The following DCAF1 variants were observed in gnomAD, a reference collection of about 807,000 sequenced individuals.
DCAF1 encodes DDB1- and CUL4-associated factor 1.
DCAF1 carries 15 observed loss-of-function variants against 128.0 expected under a neutral mutation model. The ratio of observed to expected loss-of-function variants is 0.12; its 90% CI spans 0.08 to 0.18. DCAF1 has a LOEUF of 0.18. Among genes scored for constraint, DCAF1 ranks in the 10% least tolerant of loss-of-function variants. The pLI is 1.00. For synonymous variants in DCAF1, 610 were observed against 603.0 expected, an observed-to-expected ratio of 1.01 and a Z score of -0.17; for missense variants, 988 against 1,649.5, an observed-to-expected ratio of 0.60 and a Z score of 6.95.
At chr3:51,417,385 C>T (rs1698974265) in intron 17 of DCAF1, among the ~76,000 whole-genome samples, 1 of 152,112 alleles carries the variant, frequency 6.6e-6, no homozygotes, top group South Asian at 2.1e-4. Flanking sequence ...TGCCACCGCA[C>T]TCCAACCTAA....
upstream of DCAF1, among the ~76,000 whole-genome samples, chr3:51,504,521 T>C (rs1708896657): frequency 6.6e-6 from 1 of 152,100 alleles, no homozygotes; most frequent in East Asian, 1.9e-4. Context: ...CTAATCTTTG[T>C]ATTTTTAGTA....
rs781840844 is a variant in DCAF1, at chr3:51,397,992, G to C, written c.*777C>G. 5 of 165,036 alleles carry C rather than the reference G, an allele frequency of 3.0e-5. No homozygotes were observed. The highest frequency in any genetic ancestry group is 6.6e-5 in the Admixed American group (1 of 15,258). The allele number at this position is 165,036 out of a possible 1,614,324, so 10.2% of individuals were successfully genotyped here. A position where few individuals can be genotyped will look rare whatever the true frequency, so the allele number is the denominator to read the frequency against. Reference sequence around the variant, plus strand: ...AAACTGAATCACAAAGAAAAATAGAGGGAGTGAACTTATATCCTAAGTTCC... The same window carrying C: ...AAACTGAATCACAAAGAAAAATAGACGGAGTGAACTTATATCCTAAGTTCC... On this transcript the variant is annotated 3_prime_UTR_variant, in exon 25 of 25. Transcript: ENST00000684031.
intron 18 of DCAF1, among the ~76,000 whole-genome samples, chr3:51,415,738 G>A (rs1364237863): frequency 1.3e-5 from 2 of 152,004 alleles, no homozygotes; most frequent in East Asian, 1.9e-4. Flanking sequence ...TAGGTCCCAA[G>A]CCCACCAAGC....
chr3:51,433,826 A>T (rs1266097872), intron 9 of DCAF1, among the ~76,000 whole-genome samples: 1 of 148,516 alleles, frequency 6.7e-6, no homozygotes, highest in Non-Finnish European at 1.5e-5. Flanking sequence ...CACGCCTGTA[A>T]TCCCAGCACT....
chr3:51,496,485 G>A (rs1203662270), intron 2 of DCAF1, among the ~76,000 whole-genome samples: 3 of 151,748 alleles, frequency 2.0e-5, no homozygotes, highest in Non-Finnish European at 4.4e-5. Flanking sequence ...TCTTAAGTGA[G>A]TTCCTTTAAG....
chr3:51,417,584 G>C (rs1366130952), intron 17 of DCAF1, among the ~76,000 whole-genome samples: 2 of 152,168 alleles, frequency 1.3e-5, no homozygotes, highest in Non-Finnish European at 2.9e-5. Context: ...GCCAGGTGTG[G>C]TGGCGGGCGC....
rs1158995938 is a variant in DCAF1 at position 51,398,701 on chromosome 3, A to G, written c.*68T>C. 5.2e-6 allele frequency: 8 copies of G among 1,536,446 alleles called. No individual in the cohort carries two copies. The highest frequency in any genetic ancestry group is 7.0e-6 in the Non-Finnish European group (8 of 1,137,906). On this transcript the variant is annotated 3_prime_UTR_variant, in exon 25 of 25. Coordinates refer to ENST00000684031, the MANE Select transcript of DCAF1 (RefSeq NM_001387579.1). ...ACAGCCCTGGGAGAAAGAGAAGGGA[A>G]TATGTTCTGAATTCATTTGACTCAG... is the stretch of plus-strand genomic sequence containing the variant.
intron 23 of DCAF1, among the ~76,000 whole-genome samples, chr3:51,410,631 A>G (rs1698317700): frequency 1.3e-5 from 2 of 152,210 alleles, no homozygotes; most frequent in South Asian, 4.1e-4. Context: ...AAATATTACC[A>G]TTTTCAAAAA....
intron 4 of DCAF1, among the ~76,000 whole-genome samples, chr3:51,470,193 A>AAGGATAATTAATTAG (rs1455038568): frequency 5.9e-5 from 9 of 152,180 alleles, no homozygotes; most frequent in Non-Finnish European, 1.2e-4. Flanking sequence ...CCAACAGTAA[A>AAGGATAATTAATTAG]AGGATAATTA....
At chr3:51,435,118 TTTTG>T (rs1340504647) in intron 9 of DCAF1, among the ~76,000 whole-genome samples, 3 of 152,318 alleles carry the variant, frequency 2.0e-5, no homozygotes, top group Admixed American at 2.0e-4. Flanking sequence ...TTAACCTACT[TTTTG>T]TTTGTTACAC....
intron 7 of DCAF1, 84 bp downstream of exon 7, chr3:51,443,682 G>T: frequency 2.5e-6 from 3 of 1,201,936 alleles, no homozygotes; most frequent in South Asian, 2.0e-5. Flanking sequence ...TAATCAATAT[G>T]ATCTACTTAT....
intron 22 of DCAF1, 51 bp from the exon 23 acceptor site, chr3:51,412,531 A>C: frequency 6.2e-7 from 1 of 1,610,654 alleles, no homozygotes; most frequent in South Asian, 1.1e-5. Context: ...CAGAAGGTCC[A>C]CATCCACGCC....
At chr3:51,483,965 A>G in intron 2 of DCAF1, 129 bp from the exon 3 acceptor site, 1 of 654,496 alleles carries the variant, frequency 1.5e-6, no homozygotes. Context: ...AACCCCTTGA[A>G]CCCTTTGGAT....
At chr3:51,447,532 C>T (rs1027488225) in intron 6 of DCAF1, among the ~76,000 whole-genome samples, 1 of 152,068 alleles carries the variant, frequency 6.6e-6, no homozygotes, top group African/African-American at 2.4e-5. Flanking sequence ...TTCTTTGTGC[C>T]CTTTTTCCAA....
chr3:51,472,191 T>G (rs1376045433), intron 3 of DCAF1, among the ~76,000 whole-genome samples: 1 of 152,172 alleles, frequency 6.6e-6, no homozygotes, highest in African/African-American at 2.4e-5. Flanking sequence ...CTTCCACTCC[T>G]CCACCCTCCT....
At chr3:51,410,883 C>T (rs1294043192) in intron 23 of DCAF1, among the ~76,000 whole-genome samples, 4 of 152,146 alleles carry the variant, frequency 2.6e-5, no homozygotes, top group African/African-American at 4.8e-5. Flanking sequence ...GCTGGCTGGG[C>T]GTGGTGGCTC....
intron 6 of DCAF1, among the ~76,000 whole-genome samples, chr3:51,449,721 C>T (rs980786698): frequency 6.6e-6 from 1 of 151,764 alleles, no homozygotes; most frequent in Non-Finnish European, 1.5e-5. Context: ...AGTTCTTCAC[C>T]AAGATCAACA....
chr3:51,421,036 C>T (rs781891680), intron 14 of DCAF1, 39 bp from the exon 15 acceptor site: 2 of 1,559,678 alleles, frequency 1.3e-6, no homozygotes, highest in Admixed American at 3.7e-5. Context: ...CACCATAAAA[C>T]TAATGGCCAA....
At chr3:51,477,682 T>C (rs1005926260) in intron 3 of DCAF1, among the ~76,000 whole-genome samples, 1 of 152,058 alleles carries the variant, frequency 6.6e-6, no homozygotes, top group East Asian at 1.9e-4. Context: ...CGCTATGCAG[T>C]TTTTTGCAAG....
Sources: gnomAD v4.1 joint callset for allele counts (sites outside exome capture counted in the v4.1 genomes callset) on GRCh38, gnomAD v4.1.1 for gene constraint, MANE v1.5 for transcripts, NCBI Gene and HGNC (gene_info 2026-07-23, HGNC 2026-07-21) for gene names.